The following DIAPH2 variants were observed in gnomAD, a reference collection of about 807,000 sequenced individuals.
The protein encoded by DIAPH2 is protein diaphanous homolog 2.
A neutral mutation model predicts 92.7 loss-of-function variants in DIAPH2; 35 were observed. The observed-to-expected ratio is 0.38, with a 90% CI of 0.29 to 0.50. The LOEUF is 0.50. Ranked by LOEUF, DIAPH2 falls within the 20% of genes least tolerant of loss-of-function variation. DIAPH2 has a pLI of 0.94. For synonymous variants in DIAPH2, 301 were observed against 280.4 expected (o/e 1.07, Z -0.73); for missense variants, 701 against 819.5 (o/e 0.86, Z 1.77).
At chrX:96,855,529 C>A (rs912081124) in intron 4 of DIAPH2, among the ~76,000 whole-genome samples, 1 of 108,471 alleles carries the variant, frequency 9.2e-6, no homozygotes, top group African/African-American at 3.3e-5. Flanking sequence ...AGTCTATATC[C>A]TCATGAAGAT....
chrX:96,780,871 G>A (rs1392602722), intron 4 of DIAPH2, among the ~76,000 whole-genome samples: 3 of 106,414 alleles, frequency 2.8e-5, no homozygotes, highest in Non-Finnish European at 3.9e-5. Context: ...GCAGTGGCTC[G>A]ATCTCACTCA....
chrX:96,786,087 G>A (rs888695814), intron 4 of DIAPH2, among the ~76,000 whole-genome samples: 1 of 111,944 alleles, frequency 8.9e-6, no homozygotes, highest in Non-Finnish European at 1.9e-5. Context: ...ACCTGTGTAT[G>A]TTTGAAGGTA....
intron 22 of DIAPH2, among the ~76,000 whole-genome samples, chrX:97,192,754 G>C (rs768750988): frequency 7.2e-5 from 8 of 110,844 alleles, no homozygotes; most frequent in Non-Finnish European, 1.3e-4. Flanking sequence ...TATAAAAAGT[G>C]CCTCCCGATT....
At chrX:96,727,516 C>T (rs2064027258) in intron 1 of DIAPH2, among the ~76,000 whole-genome samples, 1 of 111,918 alleles carries the variant, frequency 8.9e-6, no homozygotes. Flanking sequence ...GTTAATGCTG[C>T]TCCTTTTGTC....
chrX:97,209,209 A>G (rs1303372654), intron 22 of DIAPH2, among the ~76,000 whole-genome samples: 3 of 110,796 alleles, frequency 2.7e-5, no homozygotes, highest in Non-Finnish European at 5.7e-5. Flanking sequence ...TCTACTCTTC[A>G]ATTTTCTAGA....
At chrX:96,939,784 C>A (rs1443059803) in intron 12 of DIAPH2, among the ~76,000 whole-genome samples, 1 of 78,128 alleles carries the variant, frequency 1.3e-5, no homozygotes, top group Non-Finnish European at 2.4e-5. Context: ...CCTGCCTCAG[C>A]CTCCCGTGTA....
rs748595668 is a variant in DIAPH2 at position 97,228,983 on chromosome X, G to A, written c.2720-18732G>A. ...CCCTTGTCCATCTATGTATAGCTGA[G>A]TCCATGTGTGTGCCAAAAGGGCACA... On this transcript the variant is annotated intron_variant, in intron 22 of 26. Coordinates refer to ENST00000324765, the MANE Select transcript of DIAPH2 (RefSeq NM_006729.5). 2.2e-4 allele frequency among the ~76,000 whole-genome samples: 24 copies of A among 111,555 alleles called. No homozygotes were observed. In the East Asian group the frequency reaches 6.5e-3, roughly 30 times the overall value.
chrX:96,899,940 G>T (rs947609465), intron 5 of DIAPH2, among the ~76,000 whole-genome samples: 1 of 109,282 alleles, frequency 9.2e-6, no homozygotes, highest in Non-Finnish European at 1.9e-5. Flanking sequence ...AGCATGAAGT[G>T]TTGTTGAATT....
rs186029397 is a variant in DIAPH2 at position 97,587,788 on chromosome X, C to G, written c.3242-11465C>G. On this transcript the variant is annotated intron_variant, in intron 26 of 26. Coordinates refer to ENST00000324765, the MANE Select transcript of DIAPH2 (RefSeq NM_006729.5). ...AATATCTAATATTTAAAATGTTCAGCTTTTTCTCTGTATCGGGTGCCATTC... is the reference window on the plus strand; with the variant it reads ...AATATCTAATATTTAAAATGTTCAGGTTTTTCTCTGTATCGGGTGCCATTC... Among the ~76,000 whole-genome samples, 12 of 111,943 alleles carry G rather than the reference C, an allele frequency of 1.1e-4. No homozygotes were observed. In the East Asian group the frequency reaches 3.4e-3, roughly 31 times the overall value.
intron 25 of DIAPH2, among the ~76,000 whole-genome samples, chrX:97,415,355 A>G (rs1483638955): frequency 1.8e-5 from 2 of 112,179 alleles, no homozygotes; most frequent in Non-Finnish European, 3.8e-5. Context: ...ATTACTGGGT[A>G]TATAACCAAA....
At chrX:96,878,852 C>T (rs762533166) in intron 4 of DIAPH2, among the ~76,000 whole-genome samples, 13 of 112,231 alleles carry the variant, frequency 1.2e-4, no homozygotes, top group Admixed American at 1.9e-4. Context: ...CTCAGTTTAC[C>T]TGTTCTATAT....
At chrX:96,763,082 G>A (rs769881383) in intron 4 of DIAPH2, 8 of 958,576 alleles carry the variant, frequency 8.3e-6, no homozygotes, top group South Asian at 2.1e-5. Flanking sequence ...ACCACTCTTC[G>A]TTGACCACTG....
In DIAPH2 at chrX:96,887,426, A is replaced by C. The variant is rs1358264590; in HGVS notation, c.587+5708A>C. Among the ~76,000 whole-genome samples, 3 of 111,147 alleles carry C rather than the reference A, an allele frequency of 2.7e-5. No homozygotes were observed. In the East Asian group the frequency reaches 8.5e-4, roughly 31 times the overall value. On this transcript the variant is annotated intron_variant, in intron 5 of 26. Coordinates refer to ENST00000324765, the MANE Select transcript of DIAPH2 (RefSeq NM_006729.5). ...AAATCCTGGGGACATACTATTGACT[A>C]TTTTGGGCAGGGACATTTAAGCCTG...
chrX:97,106,598 T>C (rs2066942472), intron 20 of DIAPH2, among the ~76,000 whole-genome samples: 1 of 111,785 alleles, frequency 8.9e-6, no homozygotes, highest in Admixed American at 9.5e-5. Context: ...CTTTCATTTT[T>C]CCCCTCCACA....
At chrX:97,276,422 G>A (rs960173025) in intron 23 of DIAPH2, among the ~76,000 whole-genome samples, 3 of 111,466 alleles carry the variant, frequency 2.7e-5, no homozygotes, top group African/African-American at 6.5e-5. Flanking sequence ...CTAAGTCACC[G>A]CAGTGAGTTC....
At chrX:97,075,777 C>G (rs192398104) in intron 19 of DIAPH2, among the ~76,000 whole-genome samples, 1 of 111,477 alleles carries the variant, frequency 9.0e-6, no homozygotes, top group Admixed American at 9.5e-5. Context: ...TTCATTGAAT[C>G]CTACAGTAAT....
intron 4 of DIAPH2, among the ~76,000 whole-genome samples, chrX:96,818,432 A>T (rs1054746736): frequency 2.7e-5 from 3 of 111,818 alleles, no homozygotes; most frequent in Admixed American, 9.4e-5. Flanking sequence ...AGTATCCACT[A>T]AGTATCCACT....
chrX:96,934,440 A>G (rs1602641829), intron 10 of DIAPH2, among the ~76,000 whole-genome samples: 1 of 111,727 alleles, frequency 9.0e-6, no homozygotes, highest in East Asian at 2.8e-4. Context: ...TTGTTGGTAC[A>G]TGGATGAAAA....
At chrX:96,773,571 G>A (rs1394995556) in intron 4 of DIAPH2, among the ~76,000 whole-genome samples, 2 of 111,607 alleles carry the variant, frequency 1.8e-5, no homozygotes, top group East Asian at 2.8e-4. Flanking sequence ...GAGAGGGGCC[G>A]GGTGATGTGG....
Sources: gnomAD v4.1 joint callset for allele counts (sites outside exome capture counted in the v4.1 genomes callset) on GRCh38, gnomAD v4.1.1 for gene constraint, MANE v1.5 for transcripts, NCBI Gene and HGNC (gene_info 2026-07-23, HGNC 2026-07-21) for gene names.